ANAPC5: variants seen among roughly 807,000 people sequenced by gnomAD.
The protein encoded by ANAPC5 is anaphase-promoting complex subunit 5.
A neutral mutation model predicts 91.3 loss-of-function variants in ANAPC5; 60 were observed. That is an observed-to-expected ratio of 0.66 (90% CI 0.53 to 0.81). The LOEUF (loss-of-function observed/expected upper bound fraction) is 0.81. ANAPC5 is among the 40% of genes least tolerant of loss of function. The pLI is 0.00. For missense variants in ANAPC5, 690 were observed against 931.5 expected (o/e 0.74, Z 3.37); for synonymous variants, 340 against 364.1 (o/e 0.93, Z 0.75).
chr12:121,344,524 C>T (rs1903585127), intron 4 of ANAPC5, among the ~76,000 whole-genome samples: 1 of 147,730 alleles, frequency 6.8e-6, no homozygotes, highest in Non-Finnish European at 1.5e-5. Flanking sequence ...GTGGAGGTTG[C>T]AGTGAGTCAA....
At chr12:121,336,848 T>C (rs1268012046) in intron 6 of ANAPC5, among the ~76,000 whole-genome samples, 1 of 152,154 alleles carries the variant, frequency 6.6e-6, no homozygotes, top group Non-Finnish European at 1.5e-5. Flanking sequence ...TACCGAGTTG[T>C]TTGCCTACCA....
chr12:121,348,727 T>C (rs1903769118), intron 1 of ANAPC5, among the ~76,000 whole-genome samples: 1 of 152,172 alleles, frequency 6.6e-6, no homozygotes, highest in African/African-American at 2.4e-5. Context: ...CCAAGAAGAT[T>C]ACAGTCTAGT....
Position 121,342,215 on chromosome 12 carries a change from T to G in ANAPC5, c.591-146A>C, listed in dbSNP as rs1903487068. 1.6e-6 allele frequency: 1 copy of G among 627,240 alleles called. No individual in the cohort carries two copies. The highest frequency in any genetic ancestry group is 2.0e-5 in the South Asian group (1 of 49,026). The allele number at this position is 627,240 out of a possible 1,614,324, so 38.9% of individuals were successfully genotyped here. ...AACTAGGAAAGAAAAACATAAAAAG[T>G]GATGTTGAGATCAATGCACAGAGCC... is the stretch of plus-strand genomic sequence containing the variant. On this transcript the variant is annotated intron_variant, in intron 4 of 16. Transcript: ENST00000261819. The surrounding 1 kb of genome is among the most constrained non-coding windows in gnomAD (Gnocchi z 4.1).
Position 121,327,194 on chromosome 12 carries a change from T to C in ANAPC5, c.1342A>G (p.Met448Val), listed in dbSNP as rs782580075. 2 of 1,613,636 alleles carry C rather than the reference T, an allele frequency of 1.2e-6. No homozygotes were observed. Among genetic ancestry groups the C allele is most frequent in the African/African-American group, 1.3e-5 (1 of 75,050 alleles). ...ALQQAQMLLSMNSLEAVNAGV... is the reference protein window; with the variant it reads ...ALQQAQMLLSVNSLEAVNAGV... Reference sequence around the variant, plus strand: ...GCATTCACCGCCTCCAGGCTGTTCATGCTCAGCAACATCTGGGCCTGTTGC... The same window carrying C: ...GCATTCACCGCCTCCAGGCTGTTCACGCTCAGCAACATCTGGGCCTGTTGC... The change falls in exon 11 of 17, where the codon ATG (methionine) becomes GTG (valine). Residue 448 changes from methionine to valine, a missense_variant. By Grantham distance (21) the Met-to-Val change is conservative. This residue lies in a region of ANAPC5 where 317 missense variants were observed against 438.7 expected (regional missense o/e 0.72). Transcript: ENST00000261819.
intron 9 of ANAPC5, among the ~76,000 whole-genome samples, chr12:121,329,719 G>A (rs1323537998): frequency 1.3e-5 from 2 of 150,856 alleles, no homozygotes; most frequent in African/African-American, 2.4e-5. Flanking sequence ...AGGTTCAAGC[G>A]ACTCTCCTGC....
At chr12:121,327,284 T>A in intron 10 of ANAPC5, 53 bp from the exon 11 acceptor site, 1 of 1,599,540 alleles carries the variant, frequency 6.3e-7, no homozygotes, top group Non-Finnish European at 8.5e-7. Context: ...CTGGCTGCGC[T>A]TTGGCCATGC....
intron 4 of ANAPC5, among the ~76,000 whole-genome samples, chr12:121,345,066 C>G (rs1447343713): frequency 1.3e-5 from 2 of 152,068 alleles, no homozygotes; most frequent in African/African-American, 4.8e-5. Flanking sequence ...TGCTTAGACT[C>G]CAGGGGTAGC....
rs1555272539 is a variant in ANAPC5, at chr12:121,328,398, G to A, written c.1222C>T (p.Leu408=). 5 of 1,613,968 alleles carry A rather than the reference G, an allele frequency of 3.1e-6. No homozygotes were observed. Among genetic ancestry groups the A allele is most frequent in the Non-Finnish European group, 4.2e-6 (5 of 1,180,010 alleles). Residue 408 remains leucine (L), a synonymous_variant, in exon 10 of 17, where the codon CTG becomes TTG. Transcript: ENST00000261819. ...TCTGACAGGCTGTGTTTCCAGTGCA[G>A]GAGGTCGGAGTCCTTTAGGGCATCC... ...LMDALKDSDL[L]HWKHSLSELI...
chr12:121,339,750 T>G (rs1235522165), intron 5 of ANAPC5, among the ~76,000 whole-genome samples: 1 of 152,168 alleles, frequency 6.6e-6, no homozygotes. Flanking sequence ...ATTACAGGCA[T>G]GAGCTGCCAC....
At position 121,337,392 on chromosome 12, in the gene ANAPC5, C is replaced by T. The variant is rs782801355; in HGVS notation, c.658G>A (p.Ala220Thr). 1.9e-6 allele frequency: 3 copies of T among 1,607,396 alleles called. No homozygotes were observed. In the Admixed American group the frequency reaches 5.0e-5, roughly 27 times the overall value. The change falls in exon 6 of 17, where the codon GCT (alanine) becomes ACT (threonine). Residue 220 changes from alanine (A) to threonine (T), a missense_variant and splice_region_variant. Transcript: ENST00000261819. ...GTCTCATCATTCTTTAGCAAAGAAG[C>T]CTGAAATTTAAAAATGGTAACTCAG... ...KQAEFFLSQQ[A>T]SLLKNDETKA...
At chr12:121,328,606 G>T in intron 9 of ANAPC5, 109 bp from the exon 10 acceptor site, 1 of 1,023,710 alleles carries the variant, frequency 9.8e-7, no homozygotes, top group Non-Finnish European at 1.4e-6. Flanking sequence ...CACAGTGACA[G>T]CACTATTTAA....
At chr12:121,313,054 G>A (rs187125094) in intron 15 of ANAPC5, among the ~76,000 whole-genome samples, 67 of 152,174 alleles carry the variant, frequency 4.4e-4, no homozygotes, top group Middle Eastern at 3.4e-3. Context: ...GGCCGGGCGC[G>A]GTGGTTCACG....
At chr12:121,312,762 C>T (rs1313879138) in intron 15 of ANAPC5, among the ~76,000 whole-genome samples, 4 of 149,652 alleles carry the variant, frequency 2.7e-5, no homozygotes, top group African/African-American at 9.9e-5. Flanking sequence ...CGTCTGTAAT[C>T]CCAGCTACTT....
chr12:121,335,447 T>G lies in ANAPC5; in HGVS notation c.950+86A>C, dbSNP rs907974245. The G allele has an allele frequency of 1.5e-5, 22 of 1,456,126 alleles. No homozygotes were observed. The South Asian group carries it at 3.1e-4, about 20-fold the overall frequency. 90.2% of individuals were successfully genotyped at this position (1,456,126 alleles called of 1,614,324 possible). On this transcript the variant is annotated intron_variant, in intron 7 of 16. Transcript: ENST00000261819. ...TCCCAAAGTGCTGGGACTATAGGCG[T>G]GAGCCACCGCACCAGGCCAAACAGC...
At chr12:121,319,108 TACACAAACAC>T (rs1009971372) in intron 13 of ANAPC5, among the ~76,000 whole-genome samples, 6 of 115,914 alleles carry the variant, frequency 5.2e-5, no homozygotes, top group African/African-American at 2.3e-4. Flanking sequence ...ATGCTGTGTA[TACACAAACAC>T]ACACACACAC....
Position 121,318,542 on chromosome 12 carries a change from C to T in ANAPC5, c.1704G>A (p.Leu568=). 1 of 1,614,156 alleles carries T rather than the reference C, an allele frequency of 6.2e-7. No homozygotes were observed. The highest frequency in any genetic ancestry group is 8.5e-7 in the Non-Finnish European group (1 of 1,180,020). ...TGTTCTTCAGTTTCTGACAATGAAC[C>T]AACAATTTTTGTAAAAGCTTATGTG... ...SEAHKLLQKL[L]VHCQKLKNTE... is the part of the protein sequence containing the mutation. The change falls in exon 14 of 17, where the codon TTG becomes TTA. Residue 568 remains leucine (L), a synonymous_variant. Transcript: ENST00000261819.
At chr12:121,346,854 T>A in intron 3 of ANAPC5, 42 bp downstream of exon 3, 1 of 1,289,844 alleles carries the variant, frequency 7.8e-7, no homozygotes, top group African/African-American at 1.5e-5. Flanking sequence ...GCTGCTCACT[T>A]CAATGAAAAT....
chr12:121,327,465 A>T, intron 10 of ANAPC5: 1 of 519,426 alleles, frequency 1.9e-6, no homozygotes, highest in Admixed American at 3.8e-5. Flanking sequence ...CACAGCTGGG[A>T]GTACACGCTC....
At chr12:121,314,669 G>A (rs1566179167) in intron 15 of ANAPC5, among the ~76,000 whole-genome samples, 2 of 151,016 alleles carry the variant, frequency 1.3e-5, no homozygotes, top group Non-Finnish European at 2.9e-5. Context: ...CCAACCTGTA[G>A]TGCAGTGGCA....
Sources: gnomAD v4.1 joint callset for allele counts (sites outside exome capture counted in the v4.1 genomes callset) on GRCh38, gnomAD v4.1.1 for gene constraint, gnomAD v4.1.1 regional missense constraint, Gnocchi (gnomAD v3.1) non-coding constraint, MANE v1.5 for transcripts, NCBI Gene and HGNC (gene_info 2026-07-23, HGNC 2026-07-21) for gene names.